The following DAGLA variants were observed in gnomAD, a reference collection of about 807,000 sequenced individuals.
The protein encoded by DAGLA is diacylglycerol lipase-alpha.
Under a neutral mutation model 102.6 loss-of-function variants are expected in DAGLA, and 22 were observed. The observed-to-expected ratio is 0.21, with a 90% CI of 0.15 to 0.31. DAGLA has a LOEUF of 0.31. DAGLA is among the 10% of genes least tolerant of loss of function. The probability of loss-of-function intolerance (pLI) is 1.00; values close to 1 mark genes in which losing one functional copy is unlikely to be tolerated. For synonymous variants in DAGLA, 578 were observed against 628.9 expected (o/e 0.92, Z 1.21); for missense variants, 927 against 1,446.6 (o/e 0.64, Z 5.83).
chr11:61,728,814 C>A, intron 7 of DAGLA, 117 bp from the exon 8 acceptor site: 1 of 814,270 alleles, frequency 1.2e-6, no homozygotes. Flanking sequence ...GCTGCATGCT[C>A]GTTTGGGCTT....
intron 1 of DAGLA, among the ~76,000 whole-genome samples, chr11:61,711,809 G>A (rs1484911115): frequency 2.0e-5 from 3 of 152,226 alleles, no homozygotes; most frequent in Non-Finnish European, 2.9e-5. Flanking sequence ...TGGAGCACAG[G>A]CCCTGCAACC....
At chr11:61,735,667 C>T (rs761114134) in intron 11 of DAGLA, 23 bp downstream of exon 11, 9 of 1,612,602 alleles carry the variant, frequency 5.6e-6, no homozygotes, top group East Asian at 2.2e-5. Context: ...TGGCTCCCAG[C>T]CCCCGGGGGT....
chr11:61,724,306 C>T (rs1355543392), intron 5 of DAGLA, among the ~76,000 whole-genome samples: 2 of 152,174 alleles, frequency 1.3e-5, no homozygotes, highest in Non-Finnish European at 2.9e-5. Context: ...CCCAGTACCT[C>T]CTGTTAATGG....
intron 13 of DAGLA, among the ~76,000 whole-genome samples, chr11:61,736,712 AACT>A (rs1343511486): frequency 1.3e-5 from 2 of 152,208 alleles, no homozygotes; most frequent in African/African-American, 4.8e-5. Context: ...CCTAGGGGGG[AACT>A]GAGTCCTGCC....
chr11:61,728,043 C>G (rs549241746), intron 6 of DAGLA, 110 bp from the exon 7 acceptor site: 1 of 1,321,580 alleles, frequency 7.6e-7, no homozygotes, highest in Admixed American at 1.8e-5. Flanking sequence ...CAGGGGACCC[C>G]GAGCAGACAC....
At chr11:61,736,392 T>C (rs1565263261) in intron 13 of DAGLA, 42 bp downstream of exon 13, 1 of 1,499,004 alleles carries the variant, frequency 6.7e-7, no homozygotes, top group Admixed American at 1.7e-5. Flanking sequence ...CACACCTGGG[T>C]CCCCCTCCTC....
chr11:61,698,733 G>A lies in DAGLA; in HGVS notation c.-45+18229G>A, dbSNP rs113471421. 1.5e-3 allele frequency among the ~76,000 whole-genome samples: 229 copies of A among 152,338 alleles called. 2 individuals are homozygous for A. Among genetic ancestry groups the A allele is most frequent in the African/African-American group, 5.3e-3 (221 of 41,580 alleles). ...CTTGAGCAGCTGCTAGGCACCAGGC[G>A]TGGTGCTGGGTGCCAAGGACACAGA... On this transcript the variant is annotated intron_variant, in intron 1 of 19. Transcript: ENST00000257215.
chr11:61,693,712 C>T (rs1405541809), intron 1 of DAGLA, among the ~76,000 whole-genome samples: 1 of 152,222 alleles, frequency 6.6e-6, no homozygotes, highest in Non-Finnish European at 1.5e-5. Context: ...TCACAGTGCA[C>T]CTGCCCTGCC....
intron 1 of DAGLA, among the ~76,000 whole-genome samples, chr11:61,715,956 G>A (rs1163223073): frequency 1.3e-5 from 2 of 152,212 alleles, no homozygotes; most frequent in African/African-American, 4.8e-5. Flanking sequence ...GGGGGAGAGG[G>A]TTCTCCCTGA....
At chr11:61,700,175 G>C (rs931213421) in intron 1 of DAGLA, among the ~76,000 whole-genome samples, 1 of 152,226 alleles carries the variant, frequency 6.6e-6, no homozygotes, top group African/African-American at 2.4e-5. Flanking sequence ...CCCTCCTGTT[G>C]GGGCACTGGT....
intron 19 of DAGLA, among the ~76,000 whole-genome samples, chr11:61,743,231 G>A (rs1009576702): frequency 6.6e-6 from 1 of 152,158 alleles, no homozygotes; most frequent in Admixed American, 6.5e-5. Flanking sequence ...CAGGCATGGT[G>A]GCGGGCACCT....
chr11:61,730,261 A>C (rs773856082), intron 8 of DAGLA, among the ~76,000 whole-genome samples: 3 of 151,770 alleles, frequency 2.0e-5, no homozygotes, highest in Non-Finnish European at 4.4e-5. Flanking sequence ...CACTCCTCAC[A>C]GGGAGCGGGG....
In DAGLA at chr11:61,744,169, G is replaced by T. The variant is rs763023855; in HGVS notation, c.2809G>T (p.Val937Leu). 48 of 1,612,916 alleles carry T rather than the reference G, an allele frequency of 3.0e-5. No individual in the cohort carries two copies. Among genetic ancestry groups the T allele is most frequent in the African/African-American group, 4.0e-5 (3 of 74,904 alleles). ...CTCCTTCCAAGACCTCTACTGCATG[G>T]TGGTGCCCGAGAGCCCCACCAGTGA... Reference protein sequence around the residue: ...SSSFQDLYCMVVPESPTSDYA... With the variant: ...SSSFQDLYCMLVPESPTSDYA... The change falls in exon 20 of 20, where the codon GTG (valine) becomes TTG (leucine). Residue 937 changes from valine (V) to leucine (L), a missense_variant. Coordinates refer to ENST00000257215, the MANE Select transcript of DAGLA (RefSeq NM_006133.3).
intron 1 of DAGLA, among the ~76,000 whole-genome samples, chr11:61,696,508 G>A (rs1451007293): frequency 3.3e-5 from 5 of 151,950 alleles, no homozygotes; most frequent in African/African-American, 7.2e-5. Flanking sequence ...TTCCCCTGTG[G>A]GAGAGGCAGG....
At chr11:61,715,612 C>T (rs1835553938) in intron 1 of DAGLA, among the ~76,000 whole-genome samples, 1 of 152,240 alleles carries the variant, frequency 6.6e-6, no homozygotes, top group African/African-American at 2.4e-5. Flanking sequence ...CTTTTACCAG[C>T]AGCACCGGAG....
intron 1 of DAGLA, among the ~76,000 whole-genome samples, chr11:61,696,409 A>G (rs1385048283): frequency 4.6e-5 from 7 of 151,862 alleles, no homozygotes; most frequent in East Asian, 1.9e-4. Context: ...TCCGTCAAGG[A>G]CACCACCCCC....
At chr11:61,729,135 C>T (rs374985765) in intron 8 of DAGLA, 127 bp downstream of exon 8, 26 of 801,620 alleles carry the variant, frequency 3.2e-5, no homozygotes, top group East Asian at 5.2e-5. Context: ...GGTCTCCCCC[C>T]GGCTCTCCAG....
intron 1 of DAGLA, among the ~76,000 whole-genome samples, chr11:61,699,232 C>T (rs1292876229): frequency 2.0e-5 from 3 of 152,222 alleles, no homozygotes; most frequent in South Asian, 4.1e-4. Flanking sequence ...GACCATCCTT[C>T]CCTCCTGGCT....
intron 8 of DAGLA, 128 bp downstream of exon 8, chr11:61,729,136 G>A (rs139211071): frequency 9.0e-5 from 71 of 789,912 alleles, no homozygotes; most frequent in African/African-American, 6.7e-4. Flanking sequence ...GTCTCCCCCC[G>A]GCTCTCCAGA....
Sources: allele counts gnomAD v4.1 joint callset (sites outside exome capture counted in the v4.1 genomes callset), GRCh38; gene constraint gnomAD v4.1.1; transcripts MANE v1.5; gene names NCBI Gene and HGNC (gene_info 2026-07-23, HGNC 2026-07-21).